The following GPR149 variants were observed in gnomAD, a reference collection of about 807,000 sequenced individuals.
GPR149 encodes G protein-coupled receptor 149, also known as probable G protein-coupled receptor 149.
A neutral mutation model predicts 50.2 loss-of-function variants in GPR149; 50 were observed. The ratio of observed to expected loss-of-function variants is 1.00; its 90% confidence interval spans 0.79 to 1.26. The LOEUF (loss-of-function observed/expected upper bound fraction) is 1.26. GPR149 is among the 50% of genes most tolerant of loss of function. GPR149 has a pLI of 0.00. For synonymous variants in GPR149, 405 were observed against 358.2 expected (o/e 1.13, Z -1.48); for missense variants, 983 against 895.4 (o/e 1.10, Z -1.25).
chr3:154,341,800 C>G (rs1303863788), intron 3 of GPR149, among the ~76,000 whole-genome samples: 1 of 151,868 alleles, frequency 6.6e-6, no homozygotes, highest in Non-Finnish European at 1.5e-5. Context: ...GGTGGATTCC[C>G]AAGTATAATA....
rs1413255026 is a variant in GPR149, at chr3:154,429,127, C to T, written c.489G>A (p.Leu163=). The T allele has an allele frequency of 8.1e-6, 13 of 1,613,466 alleles. No individual in the cohort carries two copies. The highest frequency in any genetic ancestry group is 2.2e-5 in the South Asian group (2 of 91,050). The change falls in exon 1 of 4, where the codon CTG becomes CTA. Residue 163 remains leucine (L), a synonymous_variant. Transcript: ENST00000389740. ...VVLTVWAASL[L]LSALPLCGWG... is the part of the protein sequence containing the mutation. ...AGCCGCACAGCGGGAGCGCCGAGAG[C>T]AGCAGACTGGCTGCCCACACGGTCA...
At chr3:154,403,833 A>T (rs1711607570) in intron 3 of GPR149, among the ~76,000 whole-genome samples, 1 of 152,060 alleles carries the variant, frequency 6.6e-6, no homozygotes, top group Admixed American at 6.6e-5. Context: ...TTTAGGTGGC[A>T]CTATCCAATA....
intron 3 of GPR149, among the ~76,000 whole-genome samples, chr3:154,402,544 T>C (rs895731253): frequency 1.3e-5 from 2 of 152,290 alleles, no homozygotes; most frequent in Admixed American, 1.3e-4. Context: ...CAAAGATCCA[T>C]GAAAGTTTCT....
intron 3 of GPR149, among the ~76,000 whole-genome samples, chr3:154,409,017 C>T (rs887062130): frequency 2.6e-5 from 4 of 152,328 alleles, no homozygotes; most frequent in Non-Finnish European, 1.5e-5. Flanking sequence ...TGCTGGTATC[C>T]GTGTCTGCAA....
At chr3:154,414,986 G>T (rs1344069999) in intron 3 of GPR149, among the ~76,000 whole-genome samples, 1 of 151,930 alleles carries the variant, frequency 6.6e-6, no homozygotes, top group Non-Finnish European at 1.5e-5. Flanking sequence ...CTTGATAATT[G>T]CATTGTACAG....
At chr3:154,373,521 T>C (rs1029010785) in intron 3 of GPR149, among the ~76,000 whole-genome samples, 1 of 152,238 alleles carries the variant, frequency 6.6e-6, no homozygotes, top group Non-Finnish European at 1.5e-5. Context: ...CTGTGTTTTA[T>C]CTGACAGTTT....
rs1713646341 is a variant in GPR149 at position 154,335,923 on chromosome 3, T to C, written c.*1776A>G. The stretch of plus-strand genomic sequence containing the variant: ...CATCTAAGTTTAAGATATCAAAGCC[T>C]ATCTTCTACAAAGCATTATGAGAAT... On this transcript the variant is annotated 3_prime_UTR_variant, in exon 4 of 4. Coordinates refer to ENST00000389740, the MANE Select transcript of GPR149 (RefSeq NM_001038705.3). The C allele has an allele frequency of 6.6e-6, 1 of 152,138 alleles. No individual in the cohort carries two copies. Among genetic ancestry groups the C allele is most frequent in the South Asian group, 2.1e-4 (1 of 4,836 alleles). The allele number at this position is 152,138 out of a possible 1,614,324, so 9.4% of individuals were successfully genotyped here. A position where few individuals can be genotyped will look rare whatever the true frequency, so the allele number is the denominator to read the frequency against.
chr3:154,355,301 T>C lies in GPR149; in HGVS notation c.1624-17030A>G, dbSNP rs1714192619. Among the ~76,000 whole-genome samples, 7 of 152,310 alleles carry C rather than the reference T, an allele frequency of 4.6e-5. No individual in the cohort carries two copies. In the South Asian group the frequency reaches 1.5e-3, roughly 32 times the overall value. The stretch of plus-strand genomic sequence containing the variant: ...TTGGCCTCCCAAAGTGCTGGGATTA[T>C]AGGTGTGAGCCACCACGCCCGGCCA... On this transcript the variant is annotated intron_variant, in intron 3 of 3. Transcript: ENST00000389740.
In GPR149 at chr3:154,386,883, T is replaced by G. The variant is rs962549479; in HGVS notation, c.1623+34156A>C. 2.6e-5 allele frequency among the ~76,000 whole-genome samples: 4 copies of G among 152,196 alleles called. No individual in the cohort carries two copies. In the East Asian group the frequency reaches 7.7e-4, roughly 29 times the overall value. ...ATAGAAGAGCCAATATTTTAAAAAT[T>G]TTATAATAATGTATGTATTTCCCTC... On this transcript the variant is annotated intron_variant, in intron 3 of 3. Coordinates refer to ENST00000389740, the MANE Select transcript of GPR149 (RefSeq NM_001038705.3).
chr3:154,373,770 C>T (rs556292072), intron 3 of GPR149, among the ~76,000 whole-genome samples: 76 of 152,272 alleles, frequency 5.0e-4, no homozygotes, highest in Non-Finnish European at 7.9e-4. Context: ...TTTATTCAGG[C>T]ATCTATACCT....
intron 3 of GPR149, among the ~76,000 whole-genome samples, chr3:154,382,697 G>C (rs989402782): frequency 2.6e-5 from 4 of 152,052 alleles, no homozygotes; most frequent in Non-Finnish European, 5.9e-5. Flanking sequence ...CTGAAGAATA[G>C]GTTCATGAGA....
intron 3 of GPR149, among the ~76,000 whole-genome samples, chr3:154,368,158 G>A (rs1053119882): frequency 2.0e-5 from 3 of 152,146 alleles, no homozygotes; most frequent in Non-Finnish European, 4.4e-5. Flanking sequence ...CCATGGCCCC[G>A]CCAGAGGCTC....
chr3:154,388,894 A>G (rs1715106100), intron 3 of GPR149, among the ~76,000 whole-genome samples: 1 of 151,814 alleles, frequency 6.6e-6, no homozygotes, highest in Admixed American at 6.6e-5. Flanking sequence ...ACACACACAC[A>G]CACACACACA....
At chr3:154,373,903 A>G (rs1714726604) in intron 3 of GPR149, among the ~76,000 whole-genome samples, 1 of 152,226 alleles carries the variant, frequency 6.6e-6, no homozygotes, top group Non-Finnish European at 1.5e-5. Context: ...TATAGTAGGC[A>G]CTTAACAAAT....
At position 154,400,055 on chromosome 3, in the gene GPR149, C is replaced by T. The variant is rs536858573; in HGVS notation, c.1623+20984G>A. 3.9e-4 allele frequency among the ~76,000 whole-genome samples: 60 copies of T among 152,228 alleles called. 1 individual carries two copies. Among genetic ancestry groups the T allele is most frequent in the Middle Eastern group, 6.8e-3 (2 of 294 alleles). On this transcript the variant is annotated intron_variant, in intron 3 of 3. Coordinates refer to ENST00000389740, the MANE Select transcript of GPR149 (RefSeq NM_001038705.3). ...AGGCTGGAGTGCGGTGGCGCGATCT[C>T]GGCTCACTGCAAGCTCCGCCTCCCG...
rs184934138 is a variant in GPR149 at position 154,353,140 on chromosome 3, T to C, written c.1624-14869A>G. 6.4e-5 allele frequency: 96 copies of C among 1,504,974 alleles called. No homozygotes were observed. In the East Asian group the frequency reaches 1.9e-3, roughly 30 times the overall value. 93.2% of individuals were successfully genotyped at this position (1,504,974 alleles called of 1,614,324 possible). On this transcript the variant is annotated intron_variant, in intron 3 of 3. Coordinates refer to ENST00000389740, the MANE Select transcript of GPR149 (RefSeq NM_001038705.3). Reference sequence around the variant, plus strand: ...ATGGCCATTTCAGTTACATTCTTCCTGGTCTCACAGAAAATAATAGCCCTC... The same window carrying C: ...ATGGCCATTTCAGTTACATTCTTCCCGGTCTCACAGAAAATAATAGCCCTC...
chr3:154,399,299 A>G (rs570032346), intron 3 of GPR149, among the ~76,000 whole-genome samples: 1 of 152,356 alleles, frequency 6.6e-6, no homozygotes, highest in South Asian at 2.1e-4. Context: ...TCATGTTACA[A>G]TAACTTTTTC....
At chr3:154,362,043 G>C (rs908324310) in intron 3 of GPR149, among the ~76,000 whole-genome samples, 51 of 152,044 alleles carry the variant, frequency 3.4e-4, no homozygotes, top group Admixed American at 1.2e-3. Context: ...TACTGACTTA[G>C]AATATCCTAA....
intron 3 of GPR149, among the ~76,000 whole-genome samples, chr3:154,358,888 A>G (rs1714314246): frequency 6.6e-6 from 1 of 152,188 alleles, no homozygotes; most frequent in Non-Finnish European, 1.5e-5. Flanking sequence ...TATATAATGT[A>G]TAGTTAACTC....
Sources: allele counts gnomAD v4.1 joint callset (sites outside exome capture counted in the v4.1 genomes callset), GRCh38; gene constraint gnomAD v4.1.1; transcripts MANE v1.5; gene names NCBI Gene and HGNC (gene_info 2026-07-23, HGNC 2026-07-21).